Variants in YWHAQ observed in about 807,000 individuals in gnomAD.
YWHAQ encodes tyrosine 3-monooxygenase/tryptophan 5-monooxygenase activation protein theta, also known as 14-3-3 protein theta.
In YWHAQ, 6 loss-of-function variants were observed where a neutral mutation model predicts 28.3. The observed-to-expected ratio is 0.21, with a 90% CI of 0.12 to 0.42. The LOEUF (loss-of-function observed/expected upper bound fraction) is 0.42, where lower values mean the gene tolerates loss of function less well. Among genes scored for constraint, YWHAQ ranks in the 10% least tolerant of loss-of-function variants. The pLI, the probability that YWHAQ is intolerant of heterozygous loss-of-function variation, is 1.00. For synonymous variants in YWHAQ, 143 were observed against 119.1 expected (o/e 1.20, Z -1.31); for missense variants, 201 against 305.6 (o/e 0.66, Z 2.55).
intron 2 of YWHAQ, among the ~76,000 whole-genome samples, chr2:9,624,676 G>A (rs975947685): frequency 2.0e-5 from 3 of 152,164 alleles, no homozygotes; most frequent in Admixed American, 6.5e-5. Flanking sequence ...TCCGCTGGGG[G>A]CAGTGGGGAG....
chr2:9,597,131 T>A (rs1440571185), intron 2 of YWHAQ, among the ~76,000 whole-genome samples: 1 of 152,212 alleles, frequency 6.6e-6, no homozygotes, highest in Non-Finnish European at 1.5e-5. Flanking sequence ...ACTATTATGA[T>A]CTAAAGGTCT....
intron 2 of YWHAQ, among the ~76,000 whole-genome samples, chr2:9,622,182 T>TA (rs58983201): frequency 0.048 from 6,712 of 140,512 alleles, 473 homozygotes; most frequent in African/African-American, 0.15. Flanking sequence ...CTTAAAGTAT[T>TA]AAAAAAAAAA....
chr2:9,630,168 G>C lies in YWHAQ; in HGVS notation c.285C>G (p.Thr95=). ...CGCGCCGAGGACTCACCAGCACCGT[G>C]GTGCAGATGGATCTCAGCTCGGACT... ...KVESELRSIC[T]TVLELLDKYL... The change falls in exon 2 of 6, where the codon ACC becomes ACG. Residue 95 remains threonine, a synonymous_variant. Transcript: ENST00000238081. The surrounding 1 kb of genome is among the most constrained non-coding windows in gnomAD (Gnocchi z 5.6). The C allele has an allele frequency of 1.9e-6, 3 of 1,613,414 alleles. No individual in the cohort carries two copies. Among genetic ancestry groups the C allele is most frequent in the Non-Finnish European group, 2.5e-6 (3 of 1,179,886 alleles).
Position 9,585,004 on chromosome 2 carries a change from G to C in YWHAQ, c.*282C>G. On this transcript the variant is annotated 3_prime_UTR_variant, in exon 6 of 6. Coordinates refer to ENST00000238081, the MANE Select transcript of YWHAQ (RefSeq NM_006826.4). ...ACTGGTTCAGATTACTTAAATACCA[G>C]ATACATTTTTAGTCCTCTACATAAG... The C allele has an allele frequency of 2.7e-6, 1 of 364,486 alleles. No homozygotes were observed. The highest frequency in any genetic ancestry group is 5.0e-6 in the Non-Finnish European group (1 of 199,562). 22.6% of individuals were successfully genotyped at this position (364,486 alleles called of 1,614,324 possible).
chr2:9,616,296 C>T (rs1667039405), intron 2 of YWHAQ, among the ~76,000 whole-genome samples: 1 of 152,028 alleles, frequency 6.6e-6, no homozygotes, highest in African/African-American at 2.4e-5. Context: ...TTTCCTCACT[C>T]CATATGCAAA....
chr2:9,622,684 T>C (rs1297841028), intron 2 of YWHAQ, among the ~76,000 whole-genome samples: 2 of 152,214 alleles, frequency 1.3e-5, no homozygotes, highest in African/African-American at 4.8e-5. Context: ...GCTGCAACTA[T>C]ATTAATTCAT....
At chr2:9,619,588 T>TA (rs890080071) in intron 2 of YWHAQ, among the ~76,000 whole-genome samples, 4 of 151,914 alleles carry the variant, frequency 2.6e-5, no homozygotes, top group Non-Finnish European at 5.9e-5. Flanking sequence ...GAGTTACATG[T>TA]AAAAAAATTA....
At chr2:9,588,025 T>A (rs1666380896) in intron 4 of YWHAQ, 140 bp downstream of exon 4, 1 of 1,067,394 alleles carries the variant, frequency 9.4e-7, no homozygotes, top group Non-Finnish European at 1.3e-6. Flanking sequence ...GTAATCATGA[T>A]GGGAAGAAAA....
intron 3 of YWHAQ, among the ~76,000 whole-genome samples, chr2:9,589,957 T>C (rs1407440415): frequency 6.6e-6 from 1 of 152,232 alleles, no homozygotes; most frequent in Non-Finnish European, 1.5e-5. Context: ...ACCTGAATTA[T>C]GTTCATTTTC....
At chr2:9,602,368 T>A (rs1666710095) in intron 2 of YWHAQ, among the ~76,000 whole-genome samples, 1 of 152,060 alleles carries the variant, frequency 6.6e-6, no homozygotes, top group Non-Finnish European at 1.5e-5. Context: ...TGACCTATGA[T>A]CACACCACTG....
chr2:9,630,353 C>G lies in YWHAQ; in HGVS notation c.100G>C (p.Ala34Pro), dbSNP rs757416206. Residue 34 changes from alanine (A) to proline (P), a missense_variant, in exon 2 of 6, where the codon GCC becomes CCC. By Grantham distance (27) the Ala-to-Pro change is conservative. Transcript: ENST00000238081. This position sits in a 1 kb window ranked among gnomAD's most constrained non-coding sequence, Gnocchi z 5.6. Reference sequence around the variant, plus strand: ...TTGCGCTCCTCGTTGGACAGCTCGGCGCCCTGCTCGGTCACTGCCTTCATG... The same window carrying G: ...TTGCGCTCCTCGTTGGACAGCTCGGGGCCCTGCTCGGTCACTGCCTTCATG... ...TCMKAVTEQG[A>P]ELSNEERNLL... 3 of 1,614,110 alleles carry G rather than the reference C, an allele frequency of 1.9e-6. No homozygotes were observed. In the South Asian group the frequency reaches 3.3e-5, roughly 18 times the overall value.
intron 2 of YWHAQ, among the ~76,000 whole-genome samples, chr2:9,622,810 A>G (rs1667168020): frequency 6.6e-6 from 1 of 152,200 alleles, no homozygotes; most frequent in Non-Finnish European, 1.5e-5. Context: ...GTAATTTATC[A>G]TATTTATCAC....
intron 2 of YWHAQ, among the ~76,000 whole-genome samples, chr2:9,627,376 A>C (rs1289532442): frequency 6.6e-6 from 1 of 152,240 alleles, no homozygotes; most frequent in Admixed American, 6.5e-5. Context: ...GAAAAAAAGA[A>C]AACCCTATGT....
At chr2:9,597,918 C>G (rs1666607817) in intron 2 of YWHAQ, among the ~76,000 whole-genome samples, 1 of 148,546 alleles carries the variant, frequency 6.7e-6, no homozygotes, top group South Asian at 2.1e-4. Context: ...CTCCCAGGTT[C>G]AAGCAATTCT....
At chr2:9,599,437 G>A (rs1666644256) in intron 2 of YWHAQ, among the ~76,000 whole-genome samples, 1 of 152,196 alleles carries the variant, frequency 6.6e-6, no homozygotes, top group South Asian at 2.1e-4. Flanking sequence ...ACTTTCATAG[G>A]AGGTCAGTAT....
rs569425633 is a variant in YWHAQ at position 9,614,878 on chromosome 2, G to A, written c.294+15281C>T. ...TCTAGTCTATCAGCTCTGTTATGGG[G>A]TACAAAGGGAAGAATAGAGTCAACA... is the stretch of plus-strand genomic sequence containing the variant. On this transcript the variant is annotated intron_variant, in intron 2 of 5. Transcript: ENST00000238081. Among the ~76,000 whole-genome samples, 352 of 152,206 alleles carry A rather than the reference G, an allele frequency of 2.3e-3. 1 individual carries two copies. The highest frequency in any genetic ancestry group is 8.0e-3 in the African/African-American group (331 of 41,526).
chr2:9,596,837 G>A (rs1666581004), intron 2 of YWHAQ, among the ~76,000 whole-genome samples: 1 of 152,112 alleles, frequency 6.6e-6, no homozygotes, highest in African/African-American at 2.4e-5. Context: ...CCAAGTAACT[G>A]GGATAGGGTT....
chr2:9,618,170 TTAA>T (rs1196321975), intron 2 of YWHAQ, among the ~76,000 whole-genome samples: 8 of 152,182 alleles, frequency 5.3e-5, no homozygotes, highest in Admixed American at 3.3e-4. Context: ...CGTTCTGGAA[TTAA>T]TAATGATGGC....
At chr2:9,586,088 G>A (rs1666338797) in intron 5 of YWHAQ, among the ~76,000 whole-genome samples, 1 of 152,178 alleles carries the variant, frequency 6.6e-6, no homozygotes, top group Non-Finnish European at 1.5e-5. Context: ...CACAATCATG[G>A]TTAACAATTT....
Sources: allele counts gnomAD v4.1 joint callset (sites outside exome capture counted in the v4.1 genomes callset), GRCh38; gene constraint gnomAD v4.1.1; non-coding constraint Gnocchi (gnomAD v3.1); transcripts MANE v1.5; gene names NCBI Gene and HGNC (gene_info 2026-07-23, HGNC 2026-07-21).